WWOX: variants seen among roughly 807,000 people sequenced by gnomAD.
The protein encoded by WWOX is WW domain-containing oxidoreductase.
A neutral mutation model predicts 46.2 loss-of-function variants in WWOX; 69 were observed. That is an observed-to-expected ratio of 1.49 (90% CI 1.23 to 1.82). The LOEUF (loss-of-function observed/expected upper bound fraction) is 1.82, where lower values mean the gene tolerates loss of function less well. Ranked by LOEUF, WWOX falls within the 40% of genes most tolerant of loss-of-function variation. The pLI is 0.00. For missense variants in WWOX, 919 were observed against 542.6 expected, an observed-to-expected ratio of 1.69 and a Z score of -6.89; for synonymous variants, 359 against 202.6, an observed-to-expected ratio of 1.77 and a Z score of -6.56.
chr16:78,824,743 C>T (rs762597687), intron 8 of WWOX, among the ~76,000 whole-genome samples: 1 of 152,042 alleles, frequency 6.6e-6, no homozygotes, highest in Non-Finnish European at 1.5e-5. Context: ...AAGACCGGCC[C>T]ACATGATTGA....
intron 8 of WWOX, among the ~76,000 whole-genome samples, chr16:78,638,142 A>G (rs925214280): frequency 2.6e-5 from 4 of 152,120 alleles, no homozygotes; most frequent in Admixed American, 1.3e-4. Flanking sequence ...ACTACCCTCA[A>G]CACTGTTTCC....
chr16:78,937,847 G>T (rs2045773787), intron 8 of WWOX, among the ~76,000 whole-genome samples: 1 of 152,028 alleles, frequency 6.6e-6, no homozygotes, highest in South Asian at 2.1e-4. Context: ...AGGCTGGTCT[G>T]GAACTCCTGA....
chr16:78,977,063 C>A (rs182852012), intron 8 of WWOX, among the ~76,000 whole-genome samples: 1 of 152,198 alleles, frequency 6.6e-6, no homozygotes, highest in African/African-American at 2.4e-5. Flanking sequence ...CTCACGCACA[C>A]GTCAACACAG....
intron 8 of WWOX, chr16:78,825,296 TC>T: frequency 3.4e-6 from 1 of 295,152 alleles, no homozygotes; most frequent in Admixed American, 3.5e-5. Flanking sequence ...CGCGCGAATT[TC>T]CAAGAAGAGG....
chr16:78,945,920 C>G (rs2045940312), intron 8 of WWOX, among the ~76,000 whole-genome samples: 2 of 152,080 alleles, frequency 1.3e-5, no homozygotes, highest in South Asian at 4.2e-4. Flanking sequence ...CATGTCAGTT[C>G]ATCTCACCAC....
At chr16:78,423,481 T>C (rs983681949) in intron 6 of WWOX, among the ~76,000 whole-genome samples, 1 of 152,154 alleles carries the variant, frequency 6.6e-6, no homozygotes, top group Admixed American at 6.6e-5. Context: ...ATAGTTCTTA[T>C]TGGTACAGTA....
chr16:78,197,572 A>G (rs913466215), intron 5 of WWOX, among the ~76,000 whole-genome samples: 1 of 152,246 alleles, frequency 6.6e-6, no homozygotes, highest in African/African-American at 2.4e-5. Flanking sequence ...TTTAGGAAAT[A>G]TCTGTGAATA....
At chr16:78,811,332 G>A (rs1427047938) in intron 8 of WWOX, among the ~76,000 whole-genome samples, 1 of 152,054 alleles carries the variant, frequency 6.6e-6, no homozygotes. Flanking sequence ...TCACTTCGGG[G>A]AATTATATCT....
chr16:78,993,913 G>A (rs1311616290), intron 8 of WWOX, among the ~76,000 whole-genome samples: 1 of 152,136 alleles, frequency 6.6e-6, no homozygotes, highest in South Asian at 2.1e-4. Context: ...ATTATTTCCA[G>A]TGTATGTGAC....
rs529874614 is a variant in WWOX at position 78,520,801 on chromosome 16, T to G, written c.1056+88049T>G. ...TAGAACATCTGTGATGAGGACTGAT[T>G]TTCTGTTCGTGGCCTCTGGAAGTCC... On this transcript the variant is annotated intron_variant, in intron 8 of 8. Coordinates refer to ENST00000566780, the MANE Select transcript of WWOX (RefSeq NM_016373.4). 2.6e-5 allele frequency among the ~76,000 whole-genome samples: 4 copies of G among 152,296 alleles called. No homozygotes were observed. In the South Asian group the frequency reaches 6.2e-4, roughly 24 times the overall value.
At chr16:78,363,007 T>C (rs1036966897) in intron 5 of WWOX, among the ~76,000 whole-genome samples, 21 of 152,154 alleles carry the variant, frequency 1.4e-4, no homozygotes, top group African/African-American at 4.8e-4. Flanking sequence ...TTCAGTTCCA[T>C]GTGTAGGGGA....
At chr16:78,487,176 TGC>T (rs1567601324) in intron 8 of WWOX, among the ~76,000 whole-genome samples, 1 of 152,220 alleles carries the variant, frequency 6.6e-6, no homozygotes, top group Non-Finnish European at 1.5e-5. Flanking sequence ...TTAATATTTA[TGC>T]TGGATAAATA....
intron 8 of WWOX, among the ~76,000 whole-genome samples, chr16:79,045,726 A>C (rs1003799137): frequency 6.8e-6 from 1 of 147,146 alleles, no homozygotes; most frequent in East Asian, 2.0e-4. Context: ...TAACTGTGCA[A>C]CTGTGGGCAA....
intron 5 of WWOX, among the ~76,000 whole-genome samples, chr16:78,312,231 A>G (rs981757889): frequency 6.6e-6 from 1 of 151,272 alleles, no homozygotes; most frequent in Non-Finnish European, 1.5e-5. Flanking sequence ...AACCTGGCGT[A>G]GTCTCGATTT....
chr16:78,947,512 C>T (rs887131178), intron 8 of WWOX, among the ~76,000 whole-genome samples: 3 of 152,178 alleles, frequency 2.0e-5, no homozygotes, highest in East Asian at 1.9e-4. Context: ...AATGCAGAGT[C>T]GGCTGGGAGC....
chr16:78,944,138 T>C lies in WWOX; in HGVS notation c.1057-267470T>C, dbSNP rs145091372. On this transcript the variant is annotated intron_variant, in intron 8 of 8. Transcript: ENST00000566780. Reference sequence around the variant, plus strand: ...TTTGCTGTGGTATTGTCTGAGCCTATGATAAGATTGTTGTTGATTGATTTT... The same window carrying C: ...TTTGCTGTGGTATTGTCTGAGCCTACGATAAGATTGTTGTTGATTGATTTT... 6.2e-3 allele frequency among the ~76,000 whole-genome samples: 945 copies of C among 152,320 alleles called. 7 individuals are homozygous for C. Among genetic ancestry groups the C allele is most frequent in the African/African-American group, 0.022 (894 of 41,564 alleles).
chr16:78,701,664 A>G (rs1324215336), intron 8 of WWOX, among the ~76,000 whole-genome samples: 2 of 151,938 alleles, frequency 1.3e-5, no homozygotes, highest in East Asian at 1.9e-4. Flanking sequence ...CTTGGAAACC[A>G]AGAGTCTATG....
At chr16:78,511,554 G>A (rs1301479873) in intron 8 of WWOX, among the ~76,000 whole-genome samples, 1 of 152,272 alleles carries the variant, frequency 6.6e-6, no homozygotes, top group East Asian at 1.9e-4. Flanking sequence ...GGATTCGAGT[G>A]ATTACAGCAC....
At chr16:78,418,564 C>T (rs962121327) in intron 6 of WWOX, among the ~76,000 whole-genome samples, 1 of 152,000 alleles carries the variant, frequency 6.6e-6, no homozygotes, top group African/African-American at 2.4e-5. Context: ...GTACAAAATG[C>T]TAGCAAGCCA....
Sources: allele counts gnomAD v4.1 joint callset (sites outside exome capture counted in the v4.1 genomes callset), GRCh38; gene constraint gnomAD v4.1.1; transcripts MANE v1.5; gene names NCBI Gene and HGNC (gene_info 2026-07-23, HGNC 2026-07-21).